The following PIK3IP1 variants were observed in gnomAD, a reference collection of about 807,000 sequenced individuals.
The protein encoded by PIK3IP1 is phosphoinositide-3-kinase interacting protein 1.
In PIK3IP1, 28 loss-of-function variants were observed where a neutral mutation model predicts 30.7. The observed-to-expected ratio is 0.91, with a 90% CI of 0.68 to 1.25. The LOEUF is 1.25. Ranked by LOEUF, PIK3IP1 falls within the 50% of genes most tolerant of loss-of-function variation. The pLI is 0.00. For synonymous variants in PIK3IP1, 159 were observed against 140.8 expected (o/e 1.13, Z -0.91); for missense variants, 333 against 346.2 (o/e 0.96, Z 0.30).
intron 3 of PIK3IP1, chr22:31,289,951 T>C (rs1345579815): frequency 8.8e-6 from 4 of 453,078 alleles, no homozygotes; most frequent in Non-Finnish European, 1.6e-5. Flanking sequence ...TCTTTATCTG[T>C]CCAAATCCTT....
intron 3 of PIK3IP1, 27 bp from the exon 4 acceptor site, chr22:31,289,726 C>T (rs2123891007): frequency 1.9e-6 from 3 of 1,550,838 alleles, no homozygotes; most frequent in East Asian, 4.9e-5. Context: ...AAACAGCTCT[C>T]ATCAGGGACT....
chr22:31,290,902 G>C lies in PIK3IP1; in HGVS notation c.307+63C>G, dbSNP rs1297154756. Reference sequence around the variant, plus strand: ...CATCGCGCGGCCGCACGTGCGCCACGAGTGTCTCAGCCGCTTCCTGTCAGC... The same window carrying C: ...CATCGCGCGGCCGCACGTGCGCCACCAGTGTCTCAGCCGCTTCCTGTCAGC... On this transcript the variant is annotated intron_variant, in intron 3 of 5. Coordinates refer to ENST00000215912, the MANE Select transcript of PIK3IP1 (RefSeq NM_052880.5). The C allele has an allele frequency of 8.7e-6, 13 of 1,491,918 alleles. No individual in the cohort carries two copies. In the South Asian group the frequency reaches 1.7e-4, roughly 20 times the overall value. 92.4% of individuals were successfully genotyped at this position (1,491,918 alleles called of 1,614,324 possible).
intron 5 of PIK3IP1, 97 bp downstream of exon 5, chr22:31,289,218 A>T: frequency 8.1e-7 from 1 of 1,230,684 alleles, no homozygotes; most frequent in Non-Finnish European, 1.2e-6. Context: ...GCTGATTTTC[A>T]ACATCTTGCT....
In PIK3IP1 at chr22:31,291,274, G is replaced by T; in HGVS notation, c.93C>A (p.His31Gln). The T allele has an allele frequency of 6.4e-7, 1 of 1,556,076 alleles. No homozygotes were observed. The stretch of plus-strand genomic sequence containing the variant: ...GGGAGGTCTGGTCCTCCCGGTACAG[G>T]TGGCCGTTGTCCCAGAAACAGCCTG... Reference protein sequence around the residue: ...GSGGCFWDNGHLYREDQTSPA... With the variant: ...GSGGCFWDNGQLYREDQTSPA... Residue 31 changes from histidine to glutamine, a missense_variant, in exon 2 of 6, where the codon CAC becomes CAA. By Grantham distance (24) the His-to-Gln change is conservative. This residue lies in a region of PIK3IP1 where 111 missense variants were observed against 100.1 expected (regional missense o/e 1.11). Coordinates refer to ENST00000215912, the MANE Select transcript of PIK3IP1 (RefSeq NM_052880.5).
chr22:31,290,893 G>A (rs1370639345), intron 3 of PIK3IP1, 72 bp downstream of exon 3: 1 of 1,469,116 alleles, frequency 6.8e-7, no homozygotes, highest in East Asian at 2.7e-5. Context: ...GCGGCCGCAC[G>A]TGCGCCACGA....
chr22:31,288,284 G>T (rs1184767923), intron 5 of PIK3IP1, among the ~76,000 whole-genome samples: 1 of 151,986 alleles, frequency 6.6e-6, no homozygotes, highest in Admixed American at 6.6e-5. Flanking sequence ...GGGGTGGGTG[G>T]GGGTAATTAC....
At chr22:31,290,667 A>G (rs1376107195) in intron 3 of PIK3IP1, 13 of 364,238 alleles carry the variant, frequency 3.6e-5, no homozygotes, top group Non-Finnish European at 4.9e-5. Flanking sequence ...GCAAACGGTC[A>G]ATAAACGCTG....
rs971847965 is a variant in PIK3IP1, at chr22:31,282,499, T to C, written c.*585A>G. ...GGCCCACGGTTGTCAAGGCACATCA[T>C]TGCCAGCAAGCTGAAGCATACCAGC... is the stretch of plus-strand genomic sequence containing the variant. On this transcript the variant is annotated 3_prime_UTR_variant, in exon 6 of 6. Coordinates refer to ENST00000215912, the MANE Select transcript of PIK3IP1 (RefSeq NM_052880.5). 2.6e-5 allele frequency: 4 copies of C among 152,794 alleles called. No individual in the cohort carries two copies. Among genetic ancestry groups the C allele is most frequent in the South Asian group, 2.1e-4 (1 of 4,844 alleles). 9.5% of individuals were successfully genotyped at this position (152,794 alleles called of 1,614,324 possible).
intron 5 of PIK3IP1, among the ~76,000 whole-genome samples, chr22:31,285,860 T>C (rs1249261620): frequency 6.6e-6 from 1 of 152,118 alleles, no homozygotes; most frequent in Non-Finnish European, 1.5e-5. Context: ...GCTCCTAGTG[T>C]GGTTGTGAGG....
chr22:31,284,124 G>A (rs935474135), intron 5 of PIK3IP1, among the ~76,000 whole-genome samples: 3 of 151,988 alleles, frequency 2.0e-5, no homozygotes, highest in African/African-American at 7.3e-5. Flanking sequence ...GGCTGGTCTC[G>A]AACTCCCGAT....
chr22:31,288,579 A>C (rs986790723), intron 5 of PIK3IP1, among the ~76,000 whole-genome samples: 4 of 152,244 alleles, frequency 2.6e-5, no homozygotes, highest in African/African-American at 7.2e-5. Context: ...AATTTTCCAC[A>C]ATCAGCCAGT....
At chr22:31,291,421 C>T in intron 1 of PIK3IP1, 125 bp from the exon 2 acceptor site, 1 of 875,750 alleles carries the variant, frequency 1.1e-6, no homozygotes, top group Admixed American at 2.1e-5. Flanking sequence ...ACCCCGGGCC[C>T]TGCTGGGCCT....
rs1046098308 is a variant in PIK3IP1, at chr22:31,282,821, G to C, written c.*263C>G. ...CAATGTTTGGAAGCCCTTAGCAGCA[G>C]CATCACTGTGGGAGCTGCCACTGTC... On this transcript the variant is annotated 3_prime_UTR_variant, in exon 6 of 6. Transcript: ENST00000215912. 2.9e-5 allele frequency: 13 copies of C among 443,496 alleles called. No homozygotes were observed. The highest frequency in any genetic ancestry group is 1.7e-4 in the Admixed American group (5 of 28,830). The allele number at this position is 443,496 out of a possible 1,614,324, so 27.5% of individuals were successfully genotyped here. A position where few individuals can be genotyped will look rare whatever the true frequency, so the allele number is the denominator to read the frequency against.
chr22:31,288,433 AG>A (rs1457606796), intron 5 of PIK3IP1, among the ~76,000 whole-genome samples: 7 of 109,584 alleles, frequency 6.4e-5, no homozygotes, highest in Non-Finnish European at 1.5e-4. Context: ...GGAGGGAGGG[AG>A]GGAGGAAAGG....
At chr22:31,288,437 AGGAAAGG>A (rs1204789480) in intron 5 of PIK3IP1, among the ~76,000 whole-genome samples, 7 of 122,424 alleles carry the variant, frequency 5.7e-5, no homozygotes, top group Non-Finnish European at 1.4e-4. Flanking sequence ...GGAGGGAGGG[AGGAAAGG>A]AAGGAAAAAT....
Position 31,289,588 on chromosome 22 carries a change from C to G in PIK3IP1, c.419G>C (p.Arg140Pro). The G allele has an allele frequency of 6.4e-7, 1 of 1,560,592 alleles. No homozygotes were observed. ...VFAPANALPA[R>P]SEAAAVQPVI... is the part of the protein sequence containing the mutation. ...TGGCTGCACAGCTGCCGCCTCACTC[C>G]GAGCGGGCAGGGCGTTGGCAGGAGC... Residue 140 changes from arginine (R) to proline (P), a missense_variant, in exon 4 of 6, where the codon CGG becomes CCG. Transcript: ENST00000215912.
chr22:31,290,853 C>T (rs2049170348), intron 3 of PIK3IP1, 112 bp downstream of exon 3: 3 of 1,396,242 alleles, frequency 2.1e-6, no homozygotes, highest in Non-Finnish European at 2.8e-6. Flanking sequence ...TCGGACGGCG[C>T]GGAGGCGGAG....
Position 31,283,012 on chromosome 22 carries a change from G to C in PIK3IP1, c.*72C>G, listed in dbSNP as rs2049101154. On this transcript the variant is annotated 3_prime_UTR_variant, in exon 6 of 6. Coordinates refer to ENST00000215912, the MANE Select transcript of PIK3IP1 (RefSeq NM_052880.5). ...GTTTTAACCAGAACACAAAGTGGTA[G>C]TTCCTCCTAGCTGTAGGAGGGTGGG... 1 of 1,208,682 alleles carries C rather than the reference G, an allele frequency of 8.3e-7. No individual in the cohort carries two copies. Among genetic ancestry groups the C allele is most frequent in the Non-Finnish European group, 1.2e-6 (1 of 858,148 alleles). The allele number at this position is 1,208,682 out of a possible 1,614,324, so 74.9% of individuals were successfully genotyped here. A position where few individuals can be genotyped will look rare whatever the true frequency, so the allele number is the denominator to read the frequency against.
At chr22:31,290,766 C>CGGCGGATGAGCTCATACGAGT in intron 3 of PIK3IP1, 199 bp downstream of exon 3, 2 of 739,918 alleles carry the variant, frequency 2.7e-6, no homozygotes, top group Admixed American at 7.9e-5. Flanking sequence ...CAAGCGCTCG[C>CGGCGGATGAGCTCATACGAGT]GGCGGATGAG....
Sources: allele counts gnomAD v4.1 joint callset (sites outside exome capture counted in the v4.1 genomes callset), GRCh38; gene constraint gnomAD v4.1.1; regional missense constraint gnomAD v4.1.1; transcripts MANE v1.5; gene names NCBI Gene and HGNC (gene_info 2026-07-23, HGNC 2026-07-21).